Variants in SGCZ observed in about 807,000 individuals in gnomAD.
The protein encoded by SGCZ is sarcoglycan zeta, also known as zeta-sarcoglycan.
In SGCZ, 40 loss-of-function variants were observed where a neutral mutation model predicts 41.3. The observed-to-expected ratio is 0.97, with a 90% CI of 0.75 to 1.26. The LOEUF is 1.26. Among genes scored for constraint, SGCZ ranks in the 50% most tolerant of loss-of-function variants. The pLI is 0.00. For missense variants in SGCZ, 552 were observed against 369.8 expected, an observed-to-expected ratio of 1.49 and a Z score of -4.04; for synonymous variants, 206 against 137.5, an observed-to-expected ratio of 1.50 and a Z score of -3.49.
intron 1 of SGCZ, among the ~76,000 whole-genome samples, chr8:15,034,751 T>G (rs1012861760): frequency 1.3e-5 from 2 of 151,606 alleles, no homozygotes; most frequent in Non-Finnish European, 2.9e-5. Context: ...GTTTCAATAA[T>G]GCAAGCACTG....
At chr8:14,943,639 G>C (rs1348706659) in intron 1 of SGCZ, among the ~76,000 whole-genome samples, 2 of 152,126 alleles carry the variant, frequency 1.3e-5, no homozygotes, top group African/African-American at 4.8e-5. Context: ...GTGTGTCATG[G>C]GGGTTTGGGG....
chr8:14,434,715 A>AT (rs200632967), intron 2 of SGCZ, among the ~76,000 whole-genome samples: 1,878 of 151,834 alleles, frequency 0.012, 37 homozygotes, highest in African/African-American at 0.04. Context: ...AAATATTTTA[A>AT]TTTTTTTTGC....
At chr8:14,450,978 T>C (rs1236577439) in intron 2 of SGCZ, among the ~76,000 whole-genome samples, 1 of 152,218 alleles carries the variant, frequency 6.6e-6, no homozygotes, top group Non-Finnish European at 1.5e-5. Context: ...TGGCCCATTA[T>C]GATTCAATGT....
intron 1 of SGCZ, among the ~76,000 whole-genome samples, chr8:14,714,861 G>C (rs187114809): frequency 1.6e-3 from 238 of 152,168 alleles, no homozygotes; most frequent in African/African-American, 5.5e-3. Context: ...ACTTACCAGG[G>C]AATGCGGGGA....
intron 2 of SGCZ, among the ~76,000 whole-genome samples, chr8:14,355,106 A>C (rs1182534895): frequency 6.6e-6 from 1 of 152,052 alleles, no homozygotes; most frequent in Non-Finnish European, 1.5e-5. Flanking sequence ...TTATTACTAT[A>C]TCTAACTGAT....
At chr8:14,096,813 T>A (rs1177324285) in intron 7 of SGCZ, among the ~76,000 whole-genome samples, 1 of 152,190 alleles carries the variant, frequency 6.6e-6, no homozygotes, top group Non-Finnish European at 1.5e-5. Flanking sequence ...GTATTCGACT[T>A]CTTCCTGGTT....
intron 1 of SGCZ, among the ~76,000 whole-genome samples, chr8:14,964,830 C>T (rs1801080689): frequency 6.6e-6 from 1 of 152,122 alleles, no homozygotes; most frequent in Non-Finnish European, 1.5e-5. Flanking sequence ...GAACCCACTA[C>T]TTATATACCT....
intron 1 of SGCZ, among the ~76,000 whole-genome samples, chr8:14,815,795 G>T (rs1157014162): frequency 6.6e-6 from 1 of 152,186 alleles, no homozygotes; most frequent in Admixed American, 6.5e-5. Context: ...GATGTTATCT[G>T]TGGTATTATG....
In SGCZ at chr8:14,145,881, T is replaced by C. The variant is rs181996275; in HGVS notation, c.547+18699A>G. 8.9e-4 allele frequency among the ~76,000 whole-genome samples: 135 copies of C among 152,264 alleles called. No individual in the cohort carries two copies. In the East Asian group the frequency reaches 0.022, roughly 24 times the overall value. On this transcript the variant is annotated intron_variant, in intron 5 of 7. Coordinates refer to ENST00000382080, the MANE Select transcript of SGCZ (RefSeq NM_139167.4). ...GAAGAATTAGCTCTAAGACAGGCTA[T>C]TTGAAAATACACAGTCAGAGGAGGC...
chr8:15,057,244 T>C (rs538412049), intron 1 of SGCZ, among the ~76,000 whole-genome samples: 1 of 152,170 alleles, frequency 6.6e-6, no homozygotes. Flanking sequence ...ATACCCTATG[T>C]TGAGCAAGAA....
chr8:14,304,060 AT>A (rs1346771269), intron 3 of SGCZ, among the ~76,000 whole-genome samples: 1 of 151,948 alleles, frequency 6.6e-6, no homozygotes, highest in Admixed American at 6.6e-5. Context: ...CCAGTTTGCT[AT>A]TTTTTAATAA....
chr8:14,149,664 A>AAC (rs1554467832), intron 5 of SGCZ, among the ~76,000 whole-genome samples: 1 of 151,438 alleles, frequency 6.6e-6, no homozygotes, highest in Non-Finnish European at 1.5e-5. Flanking sequence ...AGGAAAAAAA[A>AAC]AAAAAACACA....
chr8:14,212,803 A>T (rs1805862101), intron 4 of SGCZ, among the ~76,000 whole-genome samples: 1 of 152,190 alleles, frequency 6.6e-6, no homozygotes, highest in African/African-American at 2.4e-5. Flanking sequence ...AAACTGTTTC[A>T]ATAAGCAACT....
intron 1 of SGCZ, among the ~76,000 whole-genome samples, chr8:15,146,435 A>C (rs1472600968): frequency 6.6e-6 from 1 of 152,150 alleles, no homozygotes; most frequent in African/African-American, 2.4e-5. Flanking sequence ...GCTAACAGGA[A>C]TGATCATGGC....
At chr8:14,577,152 A>G (rs76290120) in intron 1 of SGCZ, among the ~76,000 whole-genome samples, 9,146 of 152,222 alleles carry the variant, frequency 0.06, 737 homozygotes, top group African/African-American at 0.18. Flanking sequence ...TTTGAGAAAT[A>G]CCAATTAACT....
At chr8:14,775,460 AGT>A (rs71739993) in intron 1 of SGCZ, among the ~76,000 whole-genome samples, 33,592 of 149,172 alleles carry the variant, frequency 0.23, 5,658 homozygotes, top group African/African-American at 0.47. Context: ...AGAATATTTG[AGT>A]GTGTGTGTGT....
At chr8:15,232,903 A>AT (rs1802001026) in intron 1 of SGCZ, among the ~76,000 whole-genome samples, 1 of 151,318 alleles carries the variant, frequency 6.6e-6, no homozygotes, top group South Asian at 2.1e-4. Context: ...GCTTCCTTTA[A>AT]TTTTTTCCAC....
chr8:14,333,828 G>A (rs1013296124), intron 2 of SGCZ, among the ~76,000 whole-genome samples: 3 of 152,062 alleles, frequency 2.0e-5, no homozygotes, highest in Admixed American at 1.3e-4. Context: ...CATTTAAAAT[G>A]GAGTTATATT....
chr8:15,172,167 T>TG (rs1445609095), intron 1 of SGCZ, among the ~76,000 whole-genome samples: 6 of 132,416 alleles, frequency 4.5e-5, no homozygotes, highest in African/African-American at 1.7e-4. Context: ...TTTTTTTTTT[T>TG]TTTTTTTTTT....
Sources: allele counts gnomAD v4.1 joint callset (sites outside exome capture counted in the v4.1 genomes callset), GRCh38; gene constraint gnomAD v4.1.1; transcripts MANE v1.5; gene names NCBI Gene and HGNC (gene_info 2026-07-23, HGNC 2026-07-21).